PNKD: variants seen among roughly 807,000 people sequenced by gnomAD.
PNKD encodes the protein PNKD metallo-beta-lactamase domain containing.
Under a neutral mutation model 45.3 loss-of-function variants are expected in PNKD, and 36 were observed. The observed-to-expected ratio is 0.80, with a 90% CI of 0.61 to 1.05. PNKD has a LOEUF of 1.05. Among genes scored for constraint, PNKD ranks in the 50% least tolerant of loss-of-function variants. The probability of loss-of-function intolerance (pLI) is 0.00; values close to 1 mark genes in which losing one functional copy is unlikely to be tolerated. For synonymous variants in PNKD, 197 were observed against 210.1 expected (o/e 0.94, Z 0.54); for missense variants, 511 against 506.6 (o/e 1.01, Z -0.08).
chr2:218,273,302 G>A lies in PNKD; in HGVS notation c.236+1753G>A, dbSNP rs181229239. On this transcript the variant is annotated intron_variant, in intron 2 of 9. Transcript: ENST00000273077. ...TTTTTGTTTTTTGAGACGGAGTCTC[G>A]CTCTGTTACCCAGGCTGGAGTGCAG... Among the ~76,000 whole-genome samples the A allele has an allele frequency of 1.4e-4, 22 of 152,190 alleles. No individual in the cohort carries two copies. In the East Asian group the frequency reaches 3.7e-3, roughly 25 times the overall value.
chr2:218,274,325 C>T (rs946880266), intron 2 of PNKD: 8 of 154,890 alleles, frequency 5.2e-5, no homozygotes, highest in African/African-American at 1.9e-4. Flanking sequence ...TGCCCCCACC[C>T]GACAGACTGA....
At chr2:218,309,276 G>A (rs376393019) in intron 2 of PNKD, among the ~76,000 whole-genome samples, 116 of 151,530 alleles carry the variant, frequency 7.7e-4, no homozygotes, top group African/African-American at 2.5e-3. Flanking sequence ...AAAATTAGCC[G>A]GGCGTGGTGG....
At chr2:218,324,687 C>T (rs10197374) in intron 2 of PNKD, among the ~76,000 whole-genome samples, 24,416 of 152,010 alleles carry the variant, frequency 0.16, 4,739 homozygotes, top group African/African-American at 0.47. Flanking sequence ...GTAATCCCAG[C>T]ACTTTGGGAG....
At chr2:218,282,277 G>A (rs1377619202) in intron 2 of PNKD, 1 of 684,438 alleles carries the variant, frequency 1.5e-6, no homozygotes, top group Non-Finnish European at 2.3e-6. Context: ...CTGCCTCCGT[G>A]GAGAGGAACA....
chr2:218,271,388 C>T lies in PNKD; in HGVS notation c.75C>T (p.Leu25=). 1.2e-6 allele frequency: 2 copies of T among 1,613,716 alleles called. No individual in the cohort carries two copies. Among genetic ancestry groups the T allele is most frequent in the South Asian group, 2.2e-5 (2 of 91,064 alleles). Residue 25 remains leucine (L), a synonymous_variant, in exon 2 of 10, where the codon CTC becomes CTT. Coordinates refer to ENST00000273077, the MANE Select transcript of PNKD (RefSeq NM_015488.5). ...ARNARVLRGI[L]AGATANKASH... ...CCTTACCTCCATCCACAGGGATTCT[C>T]GCAGGAGCCACAGCTAACAAGGCTT... is the stretch of plus-strand genomic sequence containing the variant.
At chr2:218,328,888 G>A (rs1456114810) in intron 2 of PNKD, among the ~76,000 whole-genome samples, 2 of 130,064 alleles carry the variant, frequency 1.5e-5, no homozygotes, top group Non-Finnish European at 3.5e-5. Flanking sequence ...TTCACGGACC[G>A]GCCTTCCTGA....
intron 2 of PNKD, among the ~76,000 whole-genome samples, chr2:218,307,273 C>T (rs542841805): frequency 1.6e-4 from 24 of 151,914 alleles, no homozygotes; most frequent in Admixed American, 3.9e-4. Flanking sequence ...ATGATTCAAG[C>T]GCATTACATT....
chr2:218,272,214 A>G (rs1451190659), intron 2 of PNKD, among the ~76,000 whole-genome samples: 2 of 152,160 alleles, frequency 1.3e-5, no homozygotes, highest in Non-Finnish European at 2.9e-5. Context: ...AGAGAGGGAA[A>G]GCGTCAGGGC....
intron 2 of PNKD, chr2:218,279,117 A>C (rs371708041): frequency 4.3e-6 from 7 of 1,613,808 alleles, no homozygotes; most frequent in Non-Finnish European, 4.2e-6. Flanking sequence ...GGACAGGAGT[A>C]GTCACCCTGA....
At chr2:218,337,277 C>T (rs1009951865) in intron 2 of PNKD, among the ~76,000 whole-genome samples, 2 of 151,504 alleles carry the variant, frequency 1.3e-5, no homozygotes, top group Non-Finnish European at 2.9e-5. Context: ...GTTTCACTAT[C>T]TTGGCCAGGC....
At chr2:218,343,197 C>T (rs563604558) in intron 7 of PNKD, among the ~76,000 whole-genome samples, 99 of 152,322 alleles carry the variant, frequency 6.5e-4, no homozygotes, top group South Asian at 6.2e-3. Flanking sequence ...AGAAGTGTTC[C>T]GTGGGAAAGA....
At chr2:218,271,867 G>A (rs970129337) in intron 2 of PNKD, among the ~76,000 whole-genome samples, 7 of 152,188 alleles carry the variant, frequency 4.6e-5, no homozygotes, top group African/African-American at 1.7e-4. Flanking sequence ...ATGTGAGCTT[G>A]TACTAGTTGT....
At chr2:218,275,485 T>TC (rs752481000) in intron 2 of PNKD, 30 of 1,613,138 alleles carry the variant, frequency 1.9e-5, no homozygotes, top group African/African-American at 2.7e-5. Context: ...TTAATTGCGA[T>TC]CCCCCATCAG....
At chr2:218,277,683 G>A in intron 2 of PNKD, 1 of 1,614,142 alleles carries the variant, frequency 6.2e-7, no homozygotes, top group Non-Finnish European at 8.5e-7. Context: ...AAGGGAAGGA[G>A]AGAGACAAGA....
chr2:218,282,981 G>T (rs1490512125), intron 2 of PNKD, among the ~76,000 whole-genome samples: 3 of 152,186 alleles, frequency 2.0e-5, no homozygotes, highest in Non-Finnish European at 4.4e-5. Flanking sequence ...TGAGTGCACG[G>T]CCCCTCGCCC....
Position 218,275,180 on chromosome 2 carries a change from CCA to C in PNKD, c.236+3632_236+3633del, listed in dbSNP as rs1470788804. ...GGCTCTTTTCATATTCCTCACAACC[CCA>C]GCTGTTAGGAAGAATGTGGTGTCAT... is the stretch of plus-strand genomic sequence containing the variant. On this transcript the variant is annotated intron_variant, in intron 2 of 9. Transcript: ENST00000273077. The C allele has an allele frequency of 1.1e-5, 3 of 281,410 alleles. No homozygotes were observed. The South Asian group carries it at 3.6e-4, about 33-fold the overall frequency. The allele number at this position is 281,410 out of a possible 1,614,324, so 17.4% of individuals were successfully genotyped here. A position where few individuals can be genotyped will look rare whatever the true frequency, so the allele number is the denominator to read the frequency against.
intron 2 of PNKD, among the ~76,000 whole-genome samples, chr2:218,296,379 T>C (rs1032830384): frequency 6.6e-6 from 1 of 152,138 alleles, no homozygotes; most frequent in Non-Finnish European, 1.5e-5. Context: ...GGATGTTATT[T>C]TAGGTATTTT....
At chr2:218,272,758 C>G (rs1046784816) in intron 2 of PNKD, 55 of 1,613,992 alleles carry the variant, frequency 3.4e-5, no homozygotes, top group Non-Finnish European at 4.3e-5. Context: ...GGGGTGCAGA[C>G]CTGAGGAGCG....
Position 218,277,473 on chromosome 2 carries a change from A to G in PNKD, c.236+5924A>G, listed in dbSNP as rs368847642. ...TACATACTGGGGAGAAGCAGGAGTT[A>G]CAGACAAGAGGCATTAAGCCACGTA... is the stretch of plus-strand genomic sequence containing the variant. On this transcript the variant is annotated intron_variant, in intron 2 of 9. Coordinates refer to ENST00000273077, the MANE Select transcript of PNKD (RefSeq NM_015488.5). The G allele has an allele frequency of 1.7e-4, 274 of 1,613,624 alleles. 1 individual carries two copies. Among genetic ancestry groups the G allele is most frequent in the Admixed American group, 1.8e-4 (11 of 60,006 alleles).
Sources: allele counts gnomAD v4.1 joint callset (sites outside exome capture counted in the v4.1 genomes callset), GRCh38; gene constraint gnomAD v4.1.1; transcripts MANE v1.5; gene names NCBI Gene and HGNC (gene_info 2026-07-23, HGNC 2026-07-21).